KATNIP: variants seen among roughly 807,000 people sequenced by gnomAD.
The protein encoded by KATNIP is katanin-interacting protein.
In KATNIP, 126 loss-of-function variants were observed where a neutral mutation model predicts 174.0. The observed-to-expected ratio is 0.72, with a 90% CI of 0.63 to 0.84. The LOEUF (loss-of-function observed/expected upper bound fraction) is 0.84. Ranked by LOEUF, KATNIP falls within the 40% of genes least tolerant of loss-of-function variation. The pLI is 0.00. For synonymous variants in KATNIP, 810 were observed against 835.7 expected (o/e 0.97, Z 0.53); for missense variants, 1,958 against 2,109.7 (o/e 0.93, Z 1.41).
At chr16:27,680,565 C>G (rs976604948) in intron 7 of KATNIP, among the ~76,000 whole-genome samples, 3 of 152,226 alleles carry the variant, frequency 2.0e-5, no homozygotes, top group Non-Finnish European at 4.4e-5. Flanking sequence ...CTTGCCCTGT[C>G]ACCCGGGCTG....
chr16:27,747,653 T>C (rs1173828265), intron 15 of KATNIP, among the ~76,000 whole-genome samples: 1 of 146,822 alleles, frequency 6.8e-6, no homozygotes, highest in Non-Finnish European at 1.5e-5. Flanking sequence ...GGGTGGGGTG[T>C]CCCCAAAGGA....
intron 24 of KATNIP, 106 bp downstream of exon 24, chr16:27,775,190 T>G: frequency 7.3e-7 from 1 of 1,375,768 alleles, no homozygotes; most frequent in Admixed American, 2.4e-5. Context: ...CAAGTTAATC[T>G]CAAGCCAAGA....
chr16:27,615,662 G>T (rs1196464504), intron 2 of KATNIP, among the ~76,000 whole-genome samples: 1 of 152,038 alleles, frequency 6.6e-6, no homozygotes, highest in Non-Finnish European at 1.5e-5. Flanking sequence ...CCTGTAGTGG[G>T]AATCTTAATG....
At chr16:27,672,624 A>T (rs988290928) in intron 6 of KATNIP, among the ~76,000 whole-genome samples, 8 of 152,208 alleles carry the variant, frequency 5.3e-5, no homozygotes, top group Non-Finnish European at 1.2e-4. Flanking sequence ...GCCATGACAG[A>T]TGCAAGAGAG....
intron 2 of KATNIP, among the ~76,000 whole-genome samples, chr16:27,576,251 C>A (rs1297504488): frequency 6.6e-6 from 1 of 152,154 alleles, no homozygotes; most frequent in Non-Finnish European, 1.5e-5. Flanking sequence ...TCCCATTGTG[C>A]CCATCGCCCG....
chr16:27,750,929 T>C (rs571716150), intron 16 of KATNIP, among the ~76,000 whole-genome samples: 1 of 151,978 alleles, frequency 6.6e-6, no homozygotes, highest in Admixed American at 6.6e-5. Flanking sequence ...GGTTTCACCA[T>C]GTTACCCAGG....
chr16:27,733,618 GAC>G (rs1383096558), intron 14 of KATNIP, among the ~76,000 whole-genome samples: 1 of 150,994 alleles, frequency 6.6e-6, no homozygotes, highest in East Asian at 1.9e-4. Flanking sequence ...CAGAGAGAGA[GAC>G]AGGGTTCTAA....
chr16:27,580,021 C>A (rs2090636749), intron 2 of KATNIP, among the ~76,000 whole-genome samples: 1 of 152,082 alleles, frequency 6.6e-6, no homozygotes, highest in Non-Finnish European at 1.5e-5. Flanking sequence ...ACGAGGTTAT[C>A]TCGACAGCCC....
intron 8 of KATNIP, among the ~76,000 whole-genome samples, chr16:27,696,056 GTTTTATTAGGTGCTTC>G (rs1276391775): frequency 6.6e-6 from 1 of 152,164 alleles, no homozygotes; most frequent in Non-Finnish European, 1.5e-5. Context: ...TAGATGCTTA[GTTTTATTAGGTGCTTC>G]TTTTATATCA....
intron 1 of KATNIP, among the ~76,000 whole-genome samples, chr16:27,554,767 A>AT (rs2089539110): frequency 7.2e-6 from 1 of 137,996 alleles, no homozygotes; most frequent in Admixed American, 7.2e-5. Context: ...TTCTGTTCTG[A>AT]TTTTTTAAAC....
Position 27,749,887 on chromosome 16 carries a change from G to A in KATNIP, c.2927G>A (p.Arg976His), listed in dbSNP as rs755152073. The change falls in exon 16 of 28, where the codon CGC (arginine) becomes CAC (histidine). Residue 976 changes from arginine to histidine, a missense_variant. Physicochemically the swap from Arg to His is conservative, Grantham distance 29 (BLOSUM62 0). Around this residue, in one of 3 missense-constraint regions of KATNIP, gnomAD observed 1,557 missense variants for 1,617.8 expected, o/e 0.96. Coordinates refer to ENST00000261588, the MANE Select transcript of KATNIP (RefSeq NM_015202.5). ...FKIPVLPYGQ[R>H]LVIDIKSTWG... ...ATCCCCGTCTTGCCTTATGGACAGC[G>A]CTTGGTCATTGACATCAAGTCTACC... 31 of 1,614,158 alleles carry A rather than the reference G, an allele frequency of 1.9e-5. No homozygotes were observed. The highest frequency in any genetic ancestry group is 1.6e-4 in the Middle Eastern group (1 of 6,062).
intron 5 of KATNIP, among the ~76,000 whole-genome samples, chr16:27,631,747 A>T (rs923558242): frequency 2.0e-5 from 3 of 151,996 alleles, no homozygotes; most frequent in Non-Finnish European, 4.4e-5. Context: ...TCATTCAGCT[A>T]TTTTTTTATT....
chr16:27,690,365 ATAG>A (rs2078685337), intron 8 of KATNIP, among the ~76,000 whole-genome samples: 1 of 136,458 alleles, frequency 7.3e-6, no homozygotes, highest in African/African-American at 2.8e-5. Flanking sequence ...TAGATAGATG[ATAG>A]ATAGATAGAT....
At chr16:27,714,124 A>G (rs1163204579) in intron 13 of KATNIP, among the ~76,000 whole-genome samples, 2 of 151,722 alleles carry the variant, frequency 1.3e-5, no homozygotes, top group East Asian at 1.9e-4. Flanking sequence ...CTCCACATTC[A>G]GATTTCAGCC....
At chr16:27,655,177 G>GAGATAT (rs2077229340) in intron 6 of KATNIP, among the ~76,000 whole-genome samples, 2 of 38,526 alleles carry the variant, frequency 5.2e-5, no homozygotes, top group Non-Finnish European at 1.2e-4. Context: ...CCCTAGAATG[G>GAGATAT]ATATATATAT....
chr16:27,550,497 C>T (rs1424279806), intron 1 of KATNIP, among the ~76,000 whole-genome samples: 1 of 152,038 alleles, frequency 6.6e-6, no homozygotes, highest in Admixed American at 6.6e-5. Flanking sequence ...GGATGTGGAA[C>T]TGTCGGATTT....
chr16:27,605,705 G>C (rs921565865), intron 2 of KATNIP, among the ~76,000 whole-genome samples: 1 of 152,180 alleles, frequency 6.6e-6, no homozygotes, highest in Non-Finnish European at 1.5e-5. Context: ...TCTACCTCTA[G>C]GGGGCAGTAT....
intron 6 of KATNIP, among the ~76,000 whole-genome samples, chr16:27,667,590 A>T (rs1012226463): frequency 2.6e-5 from 4 of 152,178 alleles, no homozygotes; most frequent in South Asian, 2.1e-4. Flanking sequence ...TTGGTTGGGG[A>T]GGTCTGGCCT....
In KATNIP at chr16:27,592,270, C is replaced by CTTT. The variant is rs71137799; in HGVS notation, c.63+18342_63+18344dup. ...TGAGGTAAGAGCTTTGCATATATTACTTTTTTTTTTTTTTTTTTTTTTTTT... is the reference window on the plus strand; with the variant it reads ...TGAGGTAAGAGCTTTGCATATATTACTTTTTTTTTTTTTTTTTTTTTTTTTTTT... On this transcript the variant is annotated intron_variant, in intron 2 of 27. Coordinates refer to ENST00000261588, the MANE Select transcript of KATNIP (RefSeq NM_015202.5). 7.8e-4 allele frequency among the ~76,000 whole-genome samples: 35 copies of CTTT among 44,822 alleles called. 2 individuals are homozygous for CTTT. The highest frequency in any genetic ancestry group is 2.2e-3 in the African/African-American group (24 of 10,732). 29.4% of individuals were successfully genotyped at this position (44,822 alleles called of 152,430 possible).
Sources: allele counts gnomAD v4.1 joint callset (sites outside exome capture counted in the v4.1 genomes callset), GRCh38; gene constraint gnomAD v4.1.1; regional missense constraint gnomAD v4.1.1; transcripts MANE v1.5; gene names NCBI Gene and HGNC (gene_info 2026-07-23, HGNC 2026-07-21).